ARHGAP9: variants seen among roughly 807,000 people sequenced by gnomAD.
The protein encoded by ARHGAP9 is Rho GTPase activating protein 9, also known as rho GTPase-activating protein 9.
Under a neutral mutation model 87.3 loss-of-function variants are expected in ARHGAP9, and 76 were observed. That is an observed-to-expected ratio of 0.87 (90% CI 0.72 to 1.05). ARHGAP9 has a LOEUF of 1.05. ARHGAP9 is among the 50% of genes least tolerant of loss of function. The pLI is 0.00. For synonymous variants in ARHGAP9, 382 were observed against 394.9 expected, an observed-to-expected ratio of 0.97 and a Z score of 0.39; for missense variants, 941 against 960.5, an observed-to-expected ratio of 0.98 and a Z score of 0.27.
At chr12:57,476,308 G>T in intron 8 of ARHGAP9, 56 bp downstream of exon 8, 1 of 1,588,116 alleles carries the variant, frequency 6.3e-7, no homozygotes, top group East Asian at 2.3e-5. Context: ...CCCCCACATT[G>T]GCGTGAGGCG....
At chr12:57,488,454 C>T (rs1875636593) in intron 1 of ARHGAP9, 1 of 1,027,818 alleles carries the variant, frequency 9.7e-7, no homozygotes, top group Admixed American at 2.2e-5. Context: ...CGCCTCACCC[C>T]AGTAAACTGC....
In ARHGAP9 at chr12:57,479,302, A is replaced by G; in HGVS notation, c.105T>C (p.Tyr35=). The G allele has an allele frequency of 6.2e-7, 1 of 1,614,206 alleles. No homozygotes were observed. Residue 35 remains tyrosine (Y), a synonymous_variant, in exon 2 of 18, where the codon TAT becomes TAC. Transcript: ENST00000393791. ...SQLCALYAFT[Y]TGADGQQVSL... ...ACACCTGCTGGCCATCTGCCCCAGT[A>G]TAAGTAAAGGCATAGAGGGCACAGA...
At chr12:57,474,741 T>G (rs1207382220) in intron 13 of ARHGAP9, 38 bp from the exon 14 acceptor site, 3 of 1,612,086 alleles carry the variant, frequency 1.9e-6, no homozygotes, top group Non-Finnish European at 2.5e-6. Flanking sequence ...GACTGCTGCT[T>G]GAAAGTGTGT....
upstream of ARHGAP9, chr12:57,483,973 A>G: frequency 2.2e-6 from 1 of 448,134 alleles, no homozygotes; most frequent in Non-Finnish European, 4.4e-6. Context: ...CCTGGGAGGC[A>G]GAGATTGCAC....
intron 2 of ARHGAP9, 88 bp downstream of exon 2, chr12:57,479,003 G>C (rs1413132870): frequency 5.4e-6 from 8 of 1,473,860 alleles, no homozygotes; most frequent in Non-Finnish European, 6.5e-6. Flanking sequence ...TGAGGGAGGG[G>C]GACCTCCCCA....
In ARHGAP9 at chr12:57,476,152, G is replaced by A; in HGVS notation, c.1131C>T (p.Ser377=). 6.5e-7 allele frequency: 1 copy of A among 1,541,980 alleles called. No homozygotes were observed. The highest frequency in any genetic ancestry group is 1.2e-5 in the South Asian group (1 of 83,286). The change falls in exon 9 of 18, where the codon AGC becomes AGT. Residue 377 remains serine (S), a synonymous_variant. Transcript: ENST00000393791. ...GCAGGTCCACGCTACTTTCGGGCCGGCTACCCGCTGGTCCCTGACAATGAG... is the reference window on the plus strand; with the variant it reads ...GCAGGTCCACGCTACTTTCGGGCCGACTACCCGCTGGTCCCTGACAATGAG... ...APSSGWGPAG[S]RPESSVDLRG... is the part of the protein sequence containing the mutation.
At chr12:57,478,961 A>G in intron 2 of ARHGAP9, 130 bp downstream of exon 2, 8 of 1,300,536 alleles carry the variant, frequency 6.2e-6, no homozygotes, top group Non-Finnish European at 8.5e-6. Flanking sequence ...GGCTGATCAA[A>G]GAAAAACAAG....
chr12:57,479,059 A>G (rs751855717), intron 2 of ARHGAP9, 32 bp downstream of exon 2: 15 of 1,601,672 alleles, frequency 9.4e-6, no homozygotes, highest in East Asian at 2.2e-5. Context: ...GGAGGTAGGA[A>G]GGTGAAGGGA....
chr12:57,487,874 AGTG>A, intron 1 of ARHGAP9: 1 of 400,428 alleles, frequency 2.5e-6, no homozygotes. Flanking sequence ...AAAAAAAAAA[AGTG>A]CAGTCTAGCC....
chr12:57,488,634 G>T, exon 1 of ARHGAP9: 1 of 1,550,958 alleles, frequency 6.4e-7, no homozygotes, highest in Non-Finnish European at 8.7e-7. Flanking sequence ...TCAGCCGATT[G>T]TTTGGGTGAC....
chr12:57,481,629 C>T (rs1340137068), upstream of ARHGAP9, among the ~76,000 whole-genome samples: 3 of 152,124 alleles, frequency 2.0e-5, no homozygotes, highest in Non-Finnish European at 4.4e-5. Context: ...CCCCTCACTC[C>T]GCCACCTTTT....
At chr12:57,473,243 T>C (rs1274024829) in intron 17 of ARHGAP9, among the ~76,000 whole-genome samples, 1 of 151,896 alleles carries the variant, frequency 6.6e-6, no homozygotes, top group African/African-American at 2.4e-5. Flanking sequence ...TGAAACCCCG[T>C]CTCTACTAAA....
chr12:57,483,908 C>A (rs1275856846), upstream of ARHGAP9: 1 of 453,864 alleles, frequency 2.2e-6, no homozygotes, highest in South Asian at 1.6e-5. Context: ...GGTGTGCTGG[C>A]CCAGCTACTG....
rs1416361502 is a variant in ARHGAP9, at chr12:57,472,542, G to A, written c.2171C>T (p.Thr724Ile). ...TCAGGGGAAGAGGCTGGTGAAGTTG[G>A]TGAGCATCAGCTGGACCAGCTGCCC... ...YPGQLVQLML[T>I]NFTSLFP The change falls in exon 18 of 18, where the codon ACC (threonine) becomes ATC (isoleucine). Residue 724 changes from threonine to isoleucine, a missense_variant. Coordinates refer to ENST00000393791, the MANE Select transcript of ARHGAP9 (RefSeq NM_032496.4). The A allele has an allele frequency of 5.0e-6, 8 of 1,614,096 alleles. No individual in the cohort carries two copies. The highest frequency in any genetic ancestry group is 6.8e-6 in the Non-Finnish European group (8 of 1,180,040).
rs375768598 is a variant in ARHGAP9, at chr12:57,476,895, C to A, written c.939G>T (p.Leu313=). ...DPPALQAPRP[L]PQLLDDPHEV... is the part of the protein sequence containing the mutation. Reference sequence around the variant, plus strand: ...CATGGGGGTCGTCCAGGAGCTGCGGCAGAGGTCGAGGGGCCTGCAAGGCTG... The same window carrying A: ...CATGGGGGTCGTCCAGGAGCTGCGGAAGAGGTCGAGGGGCCTGCAAGGCTG... The change falls in exon 6 of 18, where the codon CTG becomes CTT. Residue 313 remains leucine, a synonymous_variant. Transcript: ENST00000393791. The A allele has an allele frequency of 3.1e-6, 5 of 1,613,870 alleles. No homozygotes were observed. The highest frequency in any genetic ancestry group is 4.2e-6 in the Non-Finnish European group (5 of 1,179,952).
intron 16 of ARHGAP9, 146 bp from the exon 17 acceptor site, chr12:57,473,854 T>C: frequency 1.7e-6 from 2 of 1,194,990 alleles, no homozygotes; most frequent in East Asian, 2.6e-5. Context: ...AACTATAGCC[T>C]CATAATTCTT....
intron 1 of ARHGAP9, chr12:57,487,819 A>G (rs1272989968): frequency 4.5e-6 from 2 of 446,772 alleles, no homozygotes; most frequent in Non-Finnish European, 8.0e-6. Flanking sequence ...ACTGCACTTC[A>G]GCCCAGGTGA....
intron 1 of ARHGAP9, chr12:57,487,500 TA>T (rs1376548693): frequency 6.6e-6 from 1 of 152,270 alleles, no homozygotes; most frequent in Admixed American, 6.5e-5. Context: ...CGTAAGAGGA[TA>T]AAAGTGCGAC....
Position 57,477,592 on chromosome 12 carries a change from G to C in ARHGAP9, c.623C>G (p.Pro208Arg), listed in dbSNP as rs1200660018. ...RRCPRSPPPG[P>R]ACPLLQRLDA... ...CAGCCTCTGCAGCAGGGGGCATGCA[G>C]GGCCTGGGGGTGGGGACCGAGGACA... is the stretch of plus-strand genomic sequence containing the variant. The change falls in exon 4 of 18, where the codon CCT (proline) becomes CGT (arginine). Residue 208 changes from proline (P) to arginine (R), a missense_variant. By Grantham distance (103) the Pro-to-Arg change is moderately radical. Coordinates refer to ENST00000393791, the MANE Select transcript of ARHGAP9 (RefSeq NM_032496.4). The C allele has an allele frequency of 6.2e-7, 1 of 1,613,262 alleles. No individual in the cohort carries two copies. Among genetic ancestry groups the C allele is most frequent in the Admixed American group, 1.7e-5 (1 of 59,926 alleles).
Sources: allele counts gnomAD v4.1 joint callset (sites outside exome capture counted in the v4.1 genomes callset), GRCh38; gene constraint gnomAD v4.1.1; transcripts MANE v1.5; gene names NCBI Gene and HGNC (gene_info 2026-07-23, HGNC 2026-07-21).